Variants in ELP1 observed in about 807,000 individuals in gnomAD.
The protein encoded by ELP1 is elongator acetyltransferase complex subunit 1.
In ELP1, 131 loss-of-function variants were observed where a neutral mutation model predicts 183.2. That is an observed-to-expected ratio of 0.72 (90% CI 0.62 to 0.83). The LOEUF (loss-of-function observed/expected upper bound fraction) is 0.83, where lower values mean the gene tolerates loss of function less well. ELP1 is among the 40% of genes least tolerant of loss of function. ELP1 has a pLI of 0.00. For missense variants in ELP1, 1,550 were observed against 1,594.9 expected, an observed-to-expected ratio of 0.97 and a Z score of 0.48; for synonymous variants, 555 against 569.0, an observed-to-expected ratio of 0.98 and a Z score of 0.35.
chr9:108,928,642 G>C (rs1829895950), intron 3 of ELP1, among the ~76,000 whole-genome samples: 1 of 152,108 alleles, frequency 6.6e-6, no homozygotes, highest in Admixed American at 6.5e-5. Flanking sequence ...CACAATAGTG[G>C]GCTCTACCTT....
At chr9:108,897,401 G>T in intron 22 of ELP1, 116 bp from the exon 23 acceptor site, 1 of 1,057,678 alleles carries the variant, frequency 9.5e-7, no homozygotes, top group Non-Finnish European at 1.4e-6. Context: ...TTGGAAAAGA[G>T]TTGAATTATA....
chr9:108,884,688 CA>C (rs1213266456), intron 29 of ELP1, among the ~76,000 whole-genome samples: 1 of 152,072 alleles, frequency 6.6e-6, no homozygotes, highest in South Asian at 2.1e-4. Context: ...CAAAACATTT[CA>C]AAATTTGTAT....
At chr9:108,926,984 A>G (rs762781337) in intron 4 of ELP1, among the ~76,000 whole-genome samples, 2 of 152,214 alleles carry the variant, frequency 1.3e-5, no homozygotes, top group Admixed American at 6.5e-5. Flanking sequence ...GAACCCAAGA[A>G]GGGCTTTTAG....
At chr9:108,874,312 A>G (rs966062383) in intron 36 of ELP1, among the ~76,000 whole-genome samples, 1 of 152,234 alleles carries the variant, frequency 6.6e-6, no homozygotes, top group South Asian at 2.1e-4. Context: ...TTCAAAAGAA[A>G]GCGCTTAGGG....
At position 108,898,981 on chromosome 9, in the gene ELP1, C is replaced by T. The variant is rs146598426; in HGVS notation, c.2205-232G>A. On this transcript the variant is annotated intron_variant, in intron 20 of 36. Coordinates refer to ENST00000374647, the MANE Select transcript of ELP1 (RefSeq NM_003640.5). ...CATCATGACTGTCTGAGAACTACAT[C>T]TTCACATACATACAACAGAAAATCA... Among the ~76,000 whole-genome samples the T allele has an allele frequency of 6.3e-3, 964 of 152,166 alleles. 3 individuals are homozygous for T. The highest frequency in any genetic ancestry group is 0.011 in the Non-Finnish European group (724 of 68,002).
chr9:108,870,898 A>T (rs1488241371), intron 36 of ELP1, among the ~76,000 whole-genome samples: 1 of 151,018 alleles, frequency 6.6e-6, no homozygotes, highest in Non-Finnish European at 1.5e-5. Flanking sequence ...TCTTCTGTTA[A>T]TTCCTCCGGT....
intron 11 of ELP1, 92 bp from the exon 12 acceptor site, chr9:108,911,272 T>C (rs944886177): frequency 6.7e-6 from 8 of 1,196,698 alleles, no homozygotes; most frequent in South Asian, 6.4e-5. Context: ...TAAACAATAA[T>C]GGCAATTCAC....
rs141915722 is a variant in ELP1 at position 108,903,620 on chromosome 9, T to C, written c.1693A>G (p.Lys565Glu). 6.2e-7 allele frequency: 1 copy of C among 1,614,040 alleles called. No individual in the cohort carries two copies. The highest frequency in any genetic ancestry group is 8.5e-7 in the Non-Finnish European group (1 of 1,179,946). The change falls in exon 15 of 37, where the codon AAG (lysine) becomes GAG (glutamate). Residue 565 changes from lysine (K) to glutamate (E), a missense_variant. Transcript: ENST00000374647. Reference protein sequence around the residue: ...GVIISLCCNSKTKSVVLQLAD... With the variant: ...GVIISLCCNSETKSVVLQLAD... The stretch of plus-strand genomic sequence containing the variant: ...AGCTGTAATACTACTGACTTGGTCT[T>C]GGAATTGCAACATAGACTGATTATG...
At chr9:108,920,212 A>G (rs1207551977) in intron 6 of ELP1, among the ~76,000 whole-genome samples, 1 of 151,998 alleles carries the variant, frequency 6.6e-6, no homozygotes, top group Non-Finnish European at 1.5e-5. Flanking sequence ...AAATTTCTAC[A>G]TATAATTATG....
rs1373552000 is a variant in ELP1, at chr9:108,868,828, T to C, written c.*287A>G. 1 of 588,438 alleles carries C rather than the reference T, an allele frequency of 1.7e-6. No individual in the cohort carries two copies. Among genetic ancestry groups the C allele is most frequent in the Non-Finnish European group, 3.0e-6 (1 of 330,786 alleles). The allele number at this position is 588,438 out of a possible 1,614,324, so 36.5% of individuals were successfully genotyped here. On this transcript the variant is annotated 3_prime_UTR_variant, in exon 37 of 37. Coordinates refer to ENST00000374647, the MANE Select transcript of ELP1 (RefSeq NM_003640.5). ...AAATCATGAAACATTAATCTCATGA[T>C]TACCATAATTATGCTCTCAAACAGC... is the stretch of plus-strand genomic sequence containing the variant.
At chr9:108,922,248 T>C (rs1049745207) in intron 6 of ELP1, among the ~76,000 whole-genome samples, 3 of 152,336 alleles carry the variant, frequency 2.0e-5, no homozygotes, top group Non-Finnish European at 4.4e-5. Flanking sequence ...GAATTTAATG[T>C]GACACGGACA....
intron 29 of ELP1, among the ~76,000 whole-genome samples, chr9:108,886,099 A>G (rs1421265157): frequency 6.6e-6 from 1 of 152,180 alleles, no homozygotes; most frequent in Admixed American, 6.5e-5. Flanking sequence ...TGAGTCCTTG[A>G]CTGCAACTCC....
intron 10 of ELP1, among the ~76,000 whole-genome samples, chr9:108,912,921 A>ATT (rs11456399): frequency 6.5e-4 from 94 of 145,164 alleles, no homozygotes; most frequent in African/African-American, 1.2e-3. Flanking sequence ...CACCCGGCTA[A>ATT]TTTTTTTTTT....
intron 14 of ELP1, among the ~76,000 whole-genome samples, chr9:108,903,964 A>G (rs991565654): frequency 5.3e-5 from 8 of 152,196 alleles, no homozygotes; most frequent in African/African-American, 1.7e-4. Context: ...CCAATAAGGT[A>G]GTTGTTTACA....
At chr9:108,897,722 A>G (rs10816765) in intron 22 of ELP1, among the ~76,000 whole-genome samples, 40,585 of 152,136 alleles carry the variant, frequency 0.27, 6,445 homozygotes, top group African/African-American at 0.44. Flanking sequence ...GATTTATGGT[A>G]AAAAATTCAG....
At chr9:108,912,753 GTTT>G (rs554750757) in intron 10 of ELP1, among the ~76,000 whole-genome samples, 3 of 132,772 alleles carry the variant, frequency 2.3e-5, no homozygotes, top group Non-Finnish European at 3.2e-5. Flanking sequence ...GTTTATTTTC[GTTT>G]TTTTTTTTTT....
intron 6 of ELP1, among the ~76,000 whole-genome samples, chr9:108,919,935 G>A (rs1023788269): frequency 2.0e-5 from 3 of 152,140 alleles, no homozygotes; most frequent in Non-Finnish European, 2.9e-5. Flanking sequence ...ATGACCACCC[G>A]GGCATTCATC....
rs1827287247 is a variant in ELP1, at chr9:108,867,616, G to A, written c.*1499C>T. ...ACTATATTTCAATATAAGTTACCAT[G>A]CTTATTTACCCATGCCAAAGAGTGA... On this transcript the variant is annotated 3_prime_UTR_variant, in exon 37 of 37. Transcript: ENST00000374647. The A allele has an allele frequency of 6.6e-6, 1 of 152,182 alleles. No individual in the cohort carries two copies. Among genetic ancestry groups the A allele is most frequent in the East Asian group, 1.9e-4 (1 of 5,200 alleles). 9.4% of individuals were successfully genotyped at this position (152,182 alleles called of 1,614,324 possible).
rs4978761 is a variant in ELP1 at position 108,910,717 on chromosome 9, G to A, written c.1360+293C>T. 0.053 allele frequency among the ~76,000 whole-genome samples: 8,033 copies of A among 151,598 alleles called. 327 individuals carry two copies. Among genetic ancestry groups the A allele is most frequent in the East Asian group, 0.12 (631 of 5,148 alleles). On this transcript the variant is annotated intron_variant, in intron 12 of 36. Coordinates refer to ENST00000374647, the MANE Select transcript of ELP1 (RefSeq NM_003640.5). ...AAAGGCTATGAAAAGAGTAAAACAT[G>A]TTAACAATGTATAACATACTATGTT...
Sources: allele counts gnomAD v4.1 joint callset (sites outside exome capture counted in the v4.1 genomes callset), GRCh38; gene constraint gnomAD v4.1.1; transcripts MANE v1.5; gene names NCBI Gene and HGNC (gene_info 2026-07-23, HGNC 2026-07-21).